The following ASPRV1 variants were observed in gnomAD, a reference collection of about 807,000 sequenced individuals.
The protein encoded by ASPRV1 is retroviral-like aspartic protease 1.
ASPRV1 carries 7 observed loss-of-function variants against 11.0 expected under a neutral mutation model. The ratio of observed to expected loss-of-function variants is 0.64; its 90% CI spans 0.36 to 1.20. The LOEUF is 1.20. Among genes scored for constraint, ASPRV1 ranks in the 50% most tolerant of loss-of-function variants. The probability of loss-of-function intolerance (pLI) is 0.02; values close to 1 mark genes in which losing one functional copy is unlikely to be tolerated. For missense variants in ASPRV1, 299 were observed against 320.0 expected, an observed-to-expected ratio of 0.93 and a Z score of 0.50; for synonymous variants, 136 against 138.4, an observed-to-expected ratio of 0.98 and a Z score of 0.12.
At chr2:69,996,748 C>T in the ASPRV1 span, 1 of 456,570 alleles carries the variant, frequency 2.2e-6, no homozygotes, top group Non-Finnish European at 4.4e-6. Flanking sequence ...AACCATCTAC[C>T]TGAGGCTGAG....
the ASPRV1 span, among the ~76,000 whole-genome samples, chr2:69,999,834 G>T: frequency 7.0e-6 from 1 of 142,972 alleles, no homozygotes; most frequent in African/African-American, 2.6e-5. Flanking sequence ...TCCTCTACCT[G>T]CTCACACCCT....
chr2:69,947,998 T>C, the ASPRV1 span, among the ~76,000 whole-genome samples: 4 of 151,934 alleles, frequency 2.6e-5, no homozygotes, highest in African/African-American at 9.7e-5. Flanking sequence ...TAAATGAGAA[T>C]AGTGGTTCTA....
chr2:70,014,867 T>C, the ASPRV1 span, among the ~76,000 whole-genome samples: 3 of 151,258 alleles, frequency 2.0e-5, no homozygotes, highest in Non-Finnish European at 2.9e-5. Context: ...GAAAAAACAT[T>C]TGCAAATCTT....
chr2:70,033,989 C>A, the ASPRV1 span, among the ~76,000 whole-genome samples: 22 of 151,066 alleles, frequency 1.5e-4, no homozygotes, highest in Admixed American at 1.4e-3. Flanking sequence ...CCCGTCTCTA[C>A]TAAAAATACA....
chr2:70,059,286 ATT>A, the ASPRV1 span, among the ~76,000 whole-genome samples: 1 of 136,572 alleles, frequency 7.3e-6, no homozygotes, highest in African/African-American at 2.7e-5. Context: ...GGTAAATTGA[ATT>A]TTTTTTTTAA....
the ASPRV1 span, among the ~76,000 whole-genome samples, chr2:70,039,028 G>A: frequency 4.0e-5 from 6 of 149,710 alleles, no homozygotes; most frequent in African/African-American, 7.4e-5. Context: ...GCAGTAAGCC[G>A]AGATCATGCC....
chr2:69,980,965 G>A, the ASPRV1 span, among the ~76,000 whole-genome samples: 3 of 152,018 alleles, frequency 2.0e-5, no homozygotes, highest in Non-Finnish European at 4.4e-5. Flanking sequence ...TGGTAGAGAT[G>A]GGGTTTCTCC....
chr2:70,056,841 T>A, the ASPRV1 span, among the ~76,000 whole-genome samples: 1 of 151,574 alleles, frequency 6.6e-6, no homozygotes, highest in Admixed American at 6.6e-5. Flanking sequence ...TTCAAGTGTT[T>A]CTCCCGTCTC....
chr2:69,965,991 C>A (rs1013644318), upstream of ASPRV1, among the ~76,000 whole-genome samples: 2 of 152,218 alleles, frequency 1.3e-5, no homozygotes, highest in Non-Finnish European at 2.9e-5. Context: ...CTCAGAACCC[C>A]TCTAACCAAA....
the ASPRV1 span, among the ~76,000 whole-genome samples, chr2:69,979,838 G>A: frequency 7.2e-5 from 11 of 152,156 alleles, no homozygotes; most frequent in African/African-American, 2.2e-4. Context: ...CTCTCCATAC[G>A]AGGCACTGCT....
At chr2:70,012,433 C>T in the ASPRV1 span, among the ~76,000 whole-genome samples, 1 of 152,160 alleles carries the variant, frequency 6.6e-6, no homozygotes, top group Non-Finnish European at 1.5e-5. Flanking sequence ...GGATTACAGG[C>T]GTGAGCCACC....
At chr2:70,048,616 T>C in the ASPRV1 span, 1 of 152,196 alleles carries the variant, frequency 6.6e-6, no homozygotes, top group African/African-American at 2.4e-5. Flanking sequence ...GTTTCCTTTA[T>C]CTGAAAATGA....
chr2:69,990,615 T>C, the ASPRV1 span, among the ~76,000 whole-genome samples: 1 of 152,054 alleles, frequency 6.6e-6, no homozygotes, highest in Non-Finnish European at 1.5e-5. Flanking sequence ...CACACTTCGC[T>C]AATTTTTTAA....
At chr2:70,069,115 T>G in the ASPRV1 span, 1 of 152,240 alleles carries the variant, frequency 6.6e-6, no homozygotes, top group Admixed American at 6.5e-5. Flanking sequence ...AGCCCAGGCC[T>G]TACCCAACAG....
chr2:69,941,779 G>C, the ASPRV1 span: 1 of 152,074 alleles, frequency 6.6e-6, no homozygotes, highest in East Asian at 1.9e-4. Flanking sequence ...CTTGGAGCTT[G>C]AGAATAGATT....
At chr2:70,002,758 T>C in the ASPRV1 span, among the ~76,000 whole-genome samples, 6 of 152,210 alleles carry the variant, frequency 3.9e-5, no homozygotes, top group Admixed American at 3.9e-4. Flanking sequence ...ATCTTTGCTG[T>C]TGGAGGCCTC....
chr2:69,952,384 T>C, the ASPRV1 span, among the ~76,000 whole-genome samples: 2 of 152,074 alleles, frequency 1.3e-5, no homozygotes, highest in Non-Finnish European at 2.9e-5. Context: ...CCCACATCTA[T>C]AGTCCCAGCT....
At chr2:70,055,729 ATGTATCCAGTTT>A in the ASPRV1 span, 1 of 152,312 alleles carries the variant, frequency 6.6e-6, no homozygotes, top group South Asian at 2.1e-4. Flanking sequence ...TGTTCTGCAC[ATGTATCCAGTTT>A]TGTTTTTTCT....
the ASPRV1 span, chr2:70,075,333 G>A: frequency 1.7e-5 from 2 of 116,726 alleles, no homozygotes; most frequent in South Asian, 5.6e-4. Flanking sequence ...AATGGTCAGA[G>A]CAAGACAACA....
Sources: allele counts gnomAD v4.1 joint callset (sites outside exome capture counted in the v4.1 genomes callset), GRCh38; gene constraint gnomAD v4.1.1; transcripts MANE v1.5; gene names NCBI Gene and HGNC (gene_info 2026-07-23, HGNC 2026-07-21).